Variants in MPHOSPH6 observed in about 807,000 individuals in gnomAD.
MPHOSPH6 encodes the protein M-phase phosphoprotein 6.
A neutral mutation model predicts 21.8 loss-of-function variants in MPHOSPH6; 25 were observed. The observed-to-expected ratio is 1.15, with a 90% CI of 0.83 to 1.60. The LOEUF is 1.60. Among genes scored for constraint, MPHOSPH6 ranks in the 40% most tolerant of loss-of-function variants. The pLI, the probability that MPHOSPH6 is intolerant of heterozygous loss-of-function variation, is 0.00. For missense variants in MPHOSPH6, 269 were observed against 181.8 expected (o/e 1.48, Z -2.76); for synonymous variants, 84 against 56.5 (o/e 1.49, Z -2.18).
intron 2 of MPHOSPH6, among the ~76,000 whole-genome samples, chr16:82,163,085 G>A (rs1906656479): frequency 6.6e-6 from 1 of 152,108 alleles, no homozygotes; most frequent in East Asian, 1.9e-4. Flanking sequence ...GATCCCTCCT[G>A]GTGGGACATA....
At chr16:82,164,218 G>A (rs768636080) in intron 1 of MPHOSPH6, 24 bp from the exon 2 acceptor site, 2 of 1,499,108 alleles carry the variant, frequency 1.3e-6, no homozygotes, top group South Asian at 1.2e-5. Flanking sequence ...CAAAATCAAT[G>A]TCAGAAACTT....
At chr16:82,150,272 G>A (rs952867004) in intron 3 of MPHOSPH6, among the ~76,000 whole-genome samples, 1 of 151,810 alleles carries the variant, frequency 6.6e-6, no homozygotes, top group Non-Finnish European at 1.5e-5. Context: ...TGGAATGCTC[G>A]CCTATCCAAA....
At chr16:82,166,671 G>T (rs12597534) in intron 1 of MPHOSPH6, among the ~76,000 whole-genome samples, 99,115 of 152,102 alleles carry the variant, frequency 0.65, 34,420 homozygotes, top group East Asian at 0.78. Flanking sequence ...TCTCTGAATG[G>T]AAATGAACCT....
chr16:82,155,660 T>A (rs1906404661), intron 2 of MPHOSPH6, among the ~76,000 whole-genome samples: 1 of 152,184 alleles, frequency 6.6e-6, no homozygotes, highest in African/African-American at 2.4e-5. Context: ...TCCCAGCACT[T>A]TGGGAGGCCA....
chr16:82,150,433 A>T (rs897474158), intron 3 of MPHOSPH6, among the ~76,000 whole-genome samples: 2 of 152,226 alleles, frequency 1.3e-5, no homozygotes, highest in Admixed American at 6.5e-5. Flanking sequence ...CTTCTAACAT[A>T]ACACCTTAAT....
chr16:82,155,560 A>G (rs1906401833), intron 2 of MPHOSPH6, among the ~76,000 whole-genome samples: 1 of 152,228 alleles, frequency 6.6e-6, no homozygotes, highest in South Asian at 2.1e-4. Context: ...ATGATATATA[A>G]AACTATGACA....
chr16:82,149,305 T>G lies in MPHOSPH6; in HGVS notation c.350+4A>C. ...ATTAGAAGGCTGCTGCGCAGCACGG[T>G]TACCTTCTAGCCATCTCTTCATCTG... is the stretch of plus-strand genomic sequence containing the variant. On this transcript the variant is annotated splice_donor_region_variant and intron_variant, in intron 4 of 4. Coordinates refer to ENST00000258169, the MANE Select transcript of MPHOSPH6 (RefSeq NM_005792.2). The G allele has an allele frequency of 6.2e-7, 1 of 1,612,878 alleles. No individual in the cohort carries two copies. The highest frequency in any genetic ancestry group is 8.5e-7 in the Non-Finnish European group (1 of 1,179,786).
At chr16:82,168,002 C>G (rs1277629563) in intron 1 of MPHOSPH6, among the ~76,000 whole-genome samples, 1 of 152,192 alleles carries the variant, frequency 6.6e-6, no homozygotes, top group Non-Finnish European at 1.5e-5. Flanking sequence ...CTCCTGCTAT[C>G]TTGCCAGTAA....
At chr16:82,168,351 G>A (rs1447900481) in intron 1 of MPHOSPH6, among the ~76,000 whole-genome samples, 1 of 152,088 alleles carries the variant, frequency 6.6e-6, no homozygotes, top group Non-Finnish European at 1.5e-5. Flanking sequence ...ATGCATGAAA[G>A]TGCTTGACAA....
chr16:82,152,478 C>A (rs1597159527), intron 2 of MPHOSPH6, among the ~76,000 whole-genome samples: 2 of 152,134 alleles, frequency 1.3e-5, no homozygotes, highest in African/African-American at 4.8e-5. Flanking sequence ...CCAAGGGGGA[C>A]TGGTTCCAGG....
At chr16:82,159,794 G>T (rs1013597431) in intron 2 of MPHOSPH6, among the ~76,000 whole-genome samples, 5 of 152,082 alleles carry the variant, frequency 3.3e-5, no homozygotes, top group Admixed American at 2.6e-4. Flanking sequence ...CTCTCTCACT[G>T]GCCCTCTAGT....
intron 2 of MPHOSPH6, among the ~76,000 whole-genome samples, chr16:82,153,774 G>A (rs1469664378): frequency 6.6e-6 from 1 of 152,148 alleles, no homozygotes; most frequent in African/African-American, 2.4e-5. Context: ...AGCTTCCTGT[G>A]GCTGCTGTAA....
chr16:82,167,818 C>A (rs1457978757), intron 1 of MPHOSPH6, among the ~76,000 whole-genome samples: 1 of 152,208 alleles, frequency 6.6e-6, no homozygotes, highest in Non-Finnish European at 1.5e-5. Flanking sequence ...TGCCTGCCCG[C>A]TGCTCACTTC....
chr16:82,161,173 T>C (rs913349885), intron 2 of MPHOSPH6, among the ~76,000 whole-genome samples: 5 of 152,238 alleles, frequency 3.3e-5, no homozygotes, highest in South Asian at 2.1e-4. Context: ...CCTAAAACTT[T>C]TGTGAAATAA....
chr16:82,165,769 T>G (rs946926690), intron 1 of MPHOSPH6, among the ~76,000 whole-genome samples: 7 of 152,210 alleles, frequency 4.6e-5, no homozygotes, highest in Non-Finnish European at 8.8e-5. Context: ...CCTAAGTGTG[T>G]GGTAGGCTAT....
In MPHOSPH6 at chr16:82,164,247, G is replaced by C. The variant is rs1597164708; in HGVS notation, c.52-53C>G. 9 of 1,158,102 alleles carry C rather than the reference G, an allele frequency of 7.8e-6. No individual in the cohort carries two copies. The East Asian group carries it at 2.1e-4, about 27-fold the overall frequency. The allele number at this position is 1,158,102 out of a possible 1,614,324, so 71.7% of individuals were successfully genotyped here. On this transcript the variant is annotated intron_variant, in intron 1 of 4. Transcript: ENST00000258169. ...GAAACTTTTCCCATTTTAGAACTGA[G>C]GAAACCCCAAATAATTTTCTTCTTC...
Position 82,149,193 on chromosome 16 carries a change from G to C in MPHOSPH6, c.350+116C>G, listed in dbSNP as rs1028399960. ...TAAGAGAAGGCCGATCACAGTCATC[G>C]TCCTACTGGGGGACTCCCTTGAAAG... On this transcript the variant is annotated intron_variant, in intron 4 of 4. Coordinates refer to ENST00000258169, the MANE Select transcript of MPHOSPH6 (RefSeq NM_005792.2). 5.5e-6 allele frequency: 6 copies of C among 1,091,948 alleles called. No homozygotes were observed. In the Middle Eastern group the frequency reaches 7.4e-4, roughly 134 times the overall value. The allele number at this position is 1,091,948 out of a possible 1,614,324, so 67.6% of individuals were successfully genotyped here.
chr16:82,158,334 C>CAAAA (rs1261577817), intron 2 of MPHOSPH6, among the ~76,000 whole-genome samples: 1 of 129,366 alleles, frequency 7.7e-6, no homozygotes, highest in Non-Finnish European at 1.7e-5. Context: ...TAAAAAAATA[C>CAAAA]AAAAAAAAAA....
At position 82,170,136 on chromosome 16, in the gene MPHOSPH6, G is replaced by A. The variant is rs1433780071; in HGVS notation, c.40C>T (p.Leu14=). Residue 14 remains leucine (L), a synonymous_variant, in exon 1 of 5, where the codon CTG becomes TTG. Coordinates refer to ENST00000258169, the MANE Select transcript of MPHOSPH6 (RefSeq NM_005792.2). ...ERKTRLSKNL[L]RMKFMQRGLD... ...CAGCGTCCCCGCACCTTCATGCGCA[G>A]TAGATTCTTGGACAACCTTGTCTTT... The A allele has an allele frequency of 1.3e-6, 2 of 1,593,516 alleles. No homozygotes were observed. The highest frequency in any genetic ancestry group is 1.4e-5 in the African/African-American group (1 of 73,534).
Sources: gnomAD v4.1 joint callset for allele counts (sites outside exome capture counted in the v4.1 genomes callset) on GRCh38, gnomAD v4.1.1 for gene constraint, MANE v1.5 for transcripts, NCBI Gene and HGNC (gene_info 2026-07-23, HGNC 2026-07-21) for gene names.